Variants in DYM observed in about 807,000 individuals in gnomAD.
DYM encodes the protein dymeclin.
A neutral mutation model predicts 93.1 loss-of-function variants in DYM; 78 were observed. The ratio of observed to expected loss-of-function variants is 0.84; its 90% CI spans 0.70 to 1.01. DYM has a LOEUF of 1.01. Among genes scored for constraint, DYM ranks in the 50% least tolerant of loss-of-function variants. DYM has a pLI of 0.00. For synonymous variants in DYM, 321 were observed against 319.7 expected, an observed-to-expected ratio of 1.00 and a Z score of -0.04; for missense variants, 789 against 845.0, an observed-to-expected ratio of 0.93 and a Z score of 0.82.
At chr18:49,313,639 G>T (rs1458332571) in intron 8 of DYM, among the ~76,000 whole-genome samples, 8 of 152,066 alleles carry the variant, frequency 5.3e-5, no homozygotes, top group Non-Finnish European at 1.0e-4. Flanking sequence ...CCTCAGGACT[G>T]CTCTGTCTAC....
chr18:49,357,138 T>G (rs1599648538), intron 6 of DYM, among the ~76,000 whole-genome samples: 1 of 152,340 alleles, frequency 6.6e-6, no homozygotes, highest in East Asian at 1.9e-4. Context: ...GCCTCTTTAA[T>G]GATTTAGCCA....
chr18:49,242,858 C>A (rs927495092), intron 13 of DYM, among the ~76,000 whole-genome samples: 48 of 152,152 alleles, frequency 3.2e-4, no homozygotes, highest in Non-Finnish European at 1.9e-4. Context: ...CGCCACCACG[C>A]CCGGCTAATT....
chr18:49,073,221 A>T (rs956728142), intron 17 of DYM, among the ~76,000 whole-genome samples: 3 of 152,374 alleles, frequency 2.0e-5, no homozygotes, highest in Non-Finnish European at 2.9e-5. Context: ...TGAAATGAGT[A>T]TCTTTATGTT....
Position 49,312,683 on chromosome 18 carries a change from G to A in DYM, c.763+19181C>T, listed in dbSNP as rs556005397. 2.0e-5 allele frequency among the ~76,000 whole-genome samples: 3 copies of A among 152,240 alleles called. No homozygotes were observed. The South Asian group carries it at 6.2e-4, about 32-fold the overall frequency. On this transcript the variant is annotated intron_variant, in intron 8 of 17. Coordinates refer to ENST00000675505, the MANE Select transcript of DYM (RefSeq NM_001353214.3). ...GGCATGGTACGAGAACTTGGGAACC[G>A]CTGAACATGGGTACAAGCTATAACA...
intron 13 of DYM, among the ~76,000 whole-genome samples, chr18:49,255,064 ATAAAT>A (rs1317449305): frequency 6.6e-6 from 1 of 150,442 alleles, no homozygotes; most frequent in Non-Finnish European, 1.5e-5. Flanking sequence ...AAGACCAGAC[ATAAAT>A]TAAATAGTGA....
intron 1 of DYM, among the ~76,000 whole-genome samples, chr18:49,446,841 C>T (rs1318134541): frequency 6.6e-6 from 1 of 151,986 alleles, no homozygotes; most frequent in Non-Finnish European, 1.5e-5. Flanking sequence ...GGTGGATCAC[C>T]TGAGGTCAGG....
intron 17 of DYM, among the ~76,000 whole-genome samples, chr18:49,047,577 C>T (rs1360222747): frequency 6.6e-6 from 1 of 152,200 alleles, no homozygotes; most frequent in East Asian, 1.9e-4. Context: ...CTACTCCCTC[C>T]TCGTCCACTC....
intron 11 of DYM, among the ~76,000 whole-genome samples, chr18:49,260,049 TAAG>T (rs144963536): frequency 3.5e-4 from 54 of 152,174 alleles, no homozygotes; most frequent in East Asian, 3.3e-3. Context: ...ATCCATAAAA[TAAG>T]AAGAGACTGC....
chr18:49,354,166 G>T (rs2065349579), intron 6 of DYM, among the ~76,000 whole-genome samples: 1 of 151,988 alleles, frequency 6.6e-6, no homozygotes, highest in African/African-American at 2.4e-5. Flanking sequence ...CAGTATAATG[G>T]GGAAAGGTAG....
At chr18:49,150,613 C>G (rs546291749) in intron 15 of DYM, among the ~76,000 whole-genome samples, 14 of 152,282 alleles carry the variant, frequency 9.2e-5, no homozygotes, top group African/African-American at 3.4e-4. Context: ...TTCAAACCAC[C>G]CAGTCTACAT....
At chr18:49,180,410 G>A (rs1355130660) in intron 14 of DYM, among the ~76,000 whole-genome samples, 2 of 152,122 alleles carry the variant, frequency 1.3e-5, no homozygotes, top group Non-Finnish European at 2.9e-5. Flanking sequence ...CAATGTTAAA[G>A]TGAACACCTT....
chr18:49,271,197 G>C (rs908760259), intron 11 of DYM, among the ~76,000 whole-genome samples: 1 of 152,100 alleles, frequency 6.6e-6, no homozygotes, highest in Non-Finnish European at 1.5e-5. Context: ...TGAAGTATTG[G>C]GGGTAGAATC....
At chr18:49,267,153 A>C (rs992065971) in intron 11 of DYM, among the ~76,000 whole-genome samples, 4 of 152,118 alleles carry the variant, frequency 2.6e-5, no homozygotes, top group African/African-American at 9.6e-5. Context: ...ATGAAGAATG[A>C]AGGGTAATCT....
chr18:49,420,491 G>T (rs1039522562), intron 2 of DYM, among the ~76,000 whole-genome samples: 105 of 151,950 alleles, frequency 6.9e-4, no homozygotes, highest in African/African-American at 2.4e-3. Context: ...AACTTCTAAG[G>T]CCCAATCCAA....
At chr18:49,309,095 CAA>C (rs1194906204) in intron 8 of DYM, among the ~76,000 whole-genome samples, 3 of 152,124 alleles carry the variant, frequency 2.0e-5, no homozygotes. Context: ...CAGAGCTAGA[CAA>C]GAGCATAAAA....
intron 8 of DYM, among the ~76,000 whole-genome samples, chr18:49,313,649 C>T (rs913277826): frequency 6.6e-5 from 10 of 151,992 alleles, no homozygotes; most frequent in Non-Finnish European, 8.8e-5. Context: ...GCTCTGTCTA[C>T]GGAGTCGCCA....
intron 2 of DYM, among the ~76,000 whole-genome samples, chr18:49,395,066 C>T (rs1472848672): frequency 6.6e-6 from 1 of 152,090 alleles, no homozygotes; most frequent in Admixed American, 6.6e-5. Flanking sequence ...AATGCTTCAG[C>T]ACATTGGTCT....
At chr18:49,048,659 G>GA (rs3833869) in intron 17 of DYM, among the ~76,000 whole-genome samples, 17,885 of 152,226 alleles carry the variant, frequency 0.12, 1,512 homozygotes, top group East Asian at 0.26. Context: ...ACTTAGGCAA[G>GA]GCTGCTACTA....
At chr18:49,309,119 C>G (rs1272335574) in intron 8 of DYM, among the ~76,000 whole-genome samples, 1 of 152,120 alleles carries the variant, frequency 6.6e-6, no homozygotes, top group Non-Finnish European at 1.5e-5. Flanking sequence ...AATTCAGATT[C>G]AAATCCAGTA....
Sources: allele counts gnomAD v4.1 joint callset (sites outside exome capture counted in the v4.1 genomes callset), GRCh38; gene constraint gnomAD v4.1.1; transcripts MANE v1.5; gene names NCBI Gene and HGNC (gene_info 2026-07-23, HGNC 2026-07-21).